Variants in IRGM observed in about 807,000 individuals in gnomAD.
The protein encoded by IRGM is immunity related GTPase M.
For missense variants in IRGM, 288 were observed against 219.9 expected, an observed-to-expected ratio of 1.31 and a Z score of -1.96; for synonymous variants, 98 against 80.6, an observed-to-expected ratio of 1.22 and a Z score of -1.16.
intron 3 of IRGM, among the ~76,000 whole-genome samples, chr5:150,889,179 TTTCA>T (rs1211114598): frequency 0.028 from 4,301 of 152,158 alleles, 150 homozygotes; most frequent in South Asian, 0.077. Context: ...ATTAGTTCGT[TTTCA>T]TGCTGCTGAC....
chr5:150,878,715 G>A (rs1301383153), intron 2 of IRGM, among the ~76,000 whole-genome samples: 3 of 151,602 alleles, frequency 2.0e-5, no homozygotes, highest in Non-Finnish European at 4.4e-5. Flanking sequence ...CTGTTATAAG[G>A]TCTATATAAT....
At chr5:150,852,699 A>G (rs1753993652), downstream of IRGM, among the ~76,000 whole-genome samples, 1 of 152,076 alleles carries the variant, frequency 6.6e-6, no homozygotes, top group African/African-American at 2.4e-5. Context: ...GAAAAGGCCA[A>G]TTCTCCATTG....
chr5:150,880,706 CACTTTTCATGTGGGAA>C (rs1177306243), intron 3 of IRGM, among the ~76,000 whole-genome samples: 1 of 152,186 alleles, frequency 6.6e-6, no homozygotes, highest in Non-Finnish European at 1.5e-5. Flanking sequence ...AAATAACTTT[CACTTTTCATGTGGGAA>C]AATGTTTCAT....
intron 1 of IRGM, among the ~76,000 whole-genome samples, chr5:150,869,807 C>T (rs950160460): frequency 6.6e-5 from 10 of 152,262 alleles, no homozygotes; most frequent in African/African-American, 1.4e-4. Context: ...AAATGCCAAA[C>T]GACCACAGAA....
At chr5:150,892,694 C>G (rs1402858906) in intron 3 of IRGM, among the ~76,000 whole-genome samples, 2 of 152,018 alleles carry the variant, frequency 1.3e-5, no homozygotes, top group African/African-American at 2.4e-5. Context: ...TGCCCTTTAA[C>G]TATTTGAGGA....
chr5:150,882,305 A>T (rs1281013486), intron 3 of IRGM, among the ~76,000 whole-genome samples: 2 of 152,130 alleles, frequency 1.3e-5, no homozygotes, highest in Non-Finnish European at 1.5e-5. Context: ...AGAGAGGAAG[A>T]AAGGAACAAA....
At chr5:150,872,289 G>C (rs1413486102) in intron 1 of IRGM, among the ~76,000 whole-genome samples, 2 of 152,166 alleles carry the variant, frequency 1.3e-5, no homozygotes, top group African/African-American at 4.8e-5. Context: ...CCCATCCCCA[G>C]TGGGGGCAAC....
At chr5:150,885,094 T>C (rs1479927787) in intron 3 of IRGM, among the ~76,000 whole-genome samples, 1 of 152,092 alleles carries the variant, frequency 6.6e-6, no homozygotes, top group African/African-American at 2.4e-5. Context: ...TTTTTGTATA[T>C]GGTGTAAGAA....
chr5:150,897,629 T>C (rs1754841129), intron 3 of IRGM: 1 of 167,056 alleles, frequency 6.0e-6, no homozygotes, highest in African/African-American at 2.4e-5. Flanking sequence ...TTCAGCCTCA[T>C]CAGCATTTAT....
chr5:150,885,081 T>C (rs1232926917), intron 3 of IRGM, among the ~76,000 whole-genome samples: 3 of 152,174 alleles, frequency 2.0e-5, no homozygotes, highest in African/African-American at 7.2e-5. Context: ...CCATCTTGGT[T>C]AATTTTTGTA....
intron 1 of IRGM, among the ~76,000 whole-genome samples, chr5:150,859,910 T>C (rs1302956326): frequency 6.6e-6 from 1 of 152,148 alleles, no homozygotes; most frequent in Non-Finnish European, 1.5e-5. Context: ...GACTTGATTG[T>C]ACAGGATGAC....
intron 3 of IRGM, among the ~76,000 whole-genome samples, chr5:150,887,613 A>G (rs1412238909): frequency 6.6e-6 from 1 of 151,290 alleles, no homozygotes; most frequent in Non-Finnish European, 1.5e-5. Context: ...ACAGAAGAAG[A>G]TCATCACCAA....
At chr5:150,898,477 G>A (rs1446013268) in intron 3 of IRGM, 3 of 1,613,096 alleles carry the variant, frequency 1.9e-6, no homozygotes, top group South Asian at 1.1e-5. Flanking sequence ...CCCTGTACAG[G>A]GTCCTCTGAG....
At chr5:150,849,498 T>G (rs1157257960), downstream of IRGM, among the ~76,000 whole-genome samples, 1 of 152,148 alleles carries the variant, frequency 6.6e-6, no homozygotes, top group Non-Finnish European at 1.5e-5. Flanking sequence ...TATCAATAAT[T>G]ATATTTAGTG....
intron 1 of IRGM, among the ~76,000 whole-genome samples, chr5:150,866,496 T>A (rs1449782645): frequency 6.6e-6 from 1 of 152,192 alleles, no homozygotes; most frequent in Non-Finnish European, 1.5e-5. Context: ...TATGGACAGA[T>A]GAGATGATCT....
chr5:150,888,611 C>G (rs1363871455), intron 3 of IRGM, among the ~76,000 whole-genome samples: 1 of 151,522 alleles, frequency 6.6e-6, no homozygotes, highest in East Asian at 1.9e-4. Flanking sequence ...CAAACACACT[C>G]TCAGACCACA....
chr5:150,850,473 A>G (rs1035802419), downstream of IRGM, among the ~76,000 whole-genome samples: 4 of 152,206 alleles, frequency 2.6e-5, no homozygotes, highest in African/African-American at 9.6e-5. Flanking sequence ...ATACTTGCTC[A>G]TGTATATATA....
intron 3 of IRGM, among the ~76,000 whole-genome samples, chr5:150,898,715 A>G (rs1432776878): frequency 6.6e-6 from 1 of 151,998 alleles, no homozygotes; most frequent in Non-Finnish European, 1.5e-5. Flanking sequence ...GAGGAGAAAA[A>G]AAGAGGTAAA....
downstream of IRGM, among the ~76,000 whole-genome samples, chr5:150,851,706 A>G (rs946348537): frequency 1.3e-5 from 2 of 152,236 alleles, no homozygotes. Context: ...AGAACTAGCA[A>G]CAGCTTCATT....
Sources: allele counts gnomAD v4.1 joint callset (sites outside exome capture counted in the v4.1 genomes callset), GRCh38; gene constraint gnomAD v4.1.1; transcripts MANE v1.5; gene names NCBI Gene and HGNC (gene_info 2026-07-23, HGNC 2026-07-21).